Variants in VPS13D observed in about 807,000 individuals in gnomAD.
The protein encoded by VPS13D is vacuolar protein sorting 13 homolog D.
Under a neutral mutation model 461.9 loss-of-function variants are expected in VPS13D, and 187 were observed. That is an observed-to-expected ratio of 0.40 (90% CI 0.36 to 0.46). The LOEUF is 0.46. Among genes scored for constraint, VPS13D ranks in the 20% least tolerant of loss-of-function variants. The pLI is 0.60. For missense variants in VPS13D, 4,711 were observed against 5,364.9 expected (o/e 0.88, Z 3.81); for synonymous variants, 1,951 against 1,986.3 (o/e 0.98, Z 0.47).
intron 32 of VPS13D, 82 bp from the exon 33 acceptor site, chr1:12,321,727 C>G: frequency 1.4e-6 from 2 of 1,450,610 alleles, no homozygotes; most frequent in Non-Finnish European, 1.9e-6. Flanking sequence ...CTGACTGCTT[C>G]TGAGATAGCC....
chr1:12,507,015 G>T lies in VPS13D; in HGVS notation c.12957G>T (p.Val4319=). ...HCLVSKDHGK[V]YVQVTKKAVS... ...TTGTCTCCAAAGACCATGGGAAGGT[G>T]TATGTGCAGGTGACCAAGAAAGCCG... The change falls in exon 69 of 70, where the codon GTG becomes GTT. Residue 4319 remains valine (V), a synonymous_variant. Transcript: ENST00000620676. The surrounding 1 kb of genome is among the most constrained non-coding windows in gnomAD (Gnocchi z 5.3). 1.2e-6 allele frequency: 2 copies of T among 1,614,278 alleles called. No individual in the cohort carries two copies. The highest frequency in any genetic ancestry group is 1.7e-6 in the Non-Finnish European group (2 of 1,180,050).
chr1:12,402,686 G>C (rs1644596309), intron 62 of VPS13D: 1 of 152,202 alleles, frequency 6.6e-6, no homozygotes, highest in Non-Finnish European at 1.5e-5. Context: ...ACAGCCACTT[G>C]GGAGCCTGCC....
intron 15 of VPS13D, 100 bp downstream of exon 15, chr1:12,268,020 G>A: frequency 3.0e-6 from 3 of 1,009,920 alleles, no homozygotes; most frequent in Non-Finnish European, 4.3e-6. Context: ...GGAGTGCAGT[G>A]GTGTGATCTT....
chr1:12,503,458 A>G (rs750700390), intron 68 of VPS13D, among the ~76,000 whole-genome samples: 1 of 152,124 alleles, frequency 6.6e-6, no homozygotes, highest in Admixed American at 6.5e-5. Context: ...TGCTGGGATT[A>G]TAGGTGGGAG....
chr1:12,371,650 C>G (rs543618927), intron 54 of VPS13D, among the ~76,000 whole-genome samples: 2 of 152,268 alleles, frequency 1.3e-5, no homozygotes, highest in South Asian at 4.1e-4. Context: ...ACCTCTGCCT[C>G]CCAAAGTGCT....
intron 52 of VPS13D, among the ~76,000 whole-genome samples, chr1:12,365,650 C>T (rs888431955): frequency 6.6e-6 from 1 of 151,506 alleles, no homozygotes; most frequent in South Asian, 2.1e-4. Flanking sequence ...GTTGCAGTGA[C>T]CCGAGATCGT....
At chr1:12,340,119 T>C (rs887033512) in intron 40 of VPS13D, among the ~76,000 whole-genome samples, 2 of 152,220 alleles carry the variant, frequency 1.3e-5, no homozygotes, top group Non-Finnish European at 2.9e-5. Flanking sequence ...TTAAATTTTT[T>C]ACTCCCCCTC....
chr1:12,255,658 T>C (rs899163711), intron 7 of VPS13D, among the ~76,000 whole-genome samples: 1 of 151,824 alleles, frequency 6.6e-6, no homozygotes, highest in African/African-American at 2.4e-5. Flanking sequence ...CTTGGGAGAC[T>C]GAGGTGGGCG....
chr1:12,244,504 A>G (rs1471665262), intron 4 of VPS13D, 33 bp from the exon 5 acceptor site: 4 of 1,613,930 alleles, frequency 2.5e-6, no homozygotes, highest in Middle Eastern at 1.6e-4. Flanking sequence ...CAAGAACACT[A>G]GATTGAGCTA....
rs144511836 is a variant in VPS13D at position 12,277,590 on chromosome 1, C to T, written c.4002C>T (p.Ala1334=). ...CCACAGTACTAGCTACCAAGACTGC[C>T]GAGTATAGCGAGATGGTATCGCTCT... The part of the protein sequence containing the change: ...KVTTVLATKT[A]EYSEMVSLFE... Residue 1334 remains alanine, a synonymous_variant, in exon 19 of 70, where the codon GCC becomes GCT. Coordinates refer to ENST00000620676, the MANE Select transcript of VPS13D (RefSeq NM_015378.4). The T allele has an allele frequency of 7.9e-5, 128 of 1,613,846 alleles. No homozygotes were observed. Among genetic ancestry groups the T allele is most frequent in the African/African-American group, 7.1e-4 (53 of 75,014 alleles).
intron 17 of VPS13D, among the ~76,000 whole-genome samples, chr1:12,272,363 G>T (rs2101340477): frequency 6.6e-6 from 1 of 151,744 alleles, no homozygotes; most frequent in Admixed American, 6.6e-5. Flanking sequence ...TGTAGTATGG[G>T]ATGGAGAATT....
chr1:12,455,091 T>C (rs577790424), intron 65 of VPS13D, among the ~76,000 whole-genome samples: 1 of 152,314 alleles, frequency 6.6e-6, no homozygotes, highest in African/African-American at 2.4e-5. Context: ...AATCTCTGAA[T>C]TGTGGAAAGG....
intron 65 of VPS13D, among the ~76,000 whole-genome samples, chr1:12,441,855 G>T (rs1645135637): frequency 6.6e-6 from 1 of 152,198 alleles, no homozygotes; most frequent in African/African-American, 2.4e-5. Flanking sequence ...TGATCAGAGA[G>T]TATTTTTTGG....
intron 50 of VPS13D, among the ~76,000 whole-genome samples, 196 bp from the exon 51 acceptor site, chr1:12,362,524 A>G (rs1172657768): frequency 6.6e-6 from 1 of 152,256 alleles, no homozygotes; most frequent in Admixed American, 6.5e-5. Context: ...TTTAAGGCCT[A>G]AATGGGAATA....
chr1:12,509,376 C>T lies in VPS13D; in HGVS notation c.*352C>T, dbSNP rs1366226916. On this transcript the variant is annotated 3_prime_UTR_variant, in exon 70 of 70. Coordinates refer to ENST00000620676, the MANE Select transcript of VPS13D (RefSeq NM_015378.4). ...ATATAGGAACGTTTCTGAACAGGGTCTGTGCTATGTGTAAAGGTTTGTTAA... is the reference window on the plus strand; with the variant it reads ...ATATAGGAACGTTTCTGAACAGGGTTTGTGCTATGTGTAAAGGTTTGTTAA... 2.1e-5 allele frequency: 4 copies of T among 191,188 alleles called. No individual in the cohort carries two copies. The highest frequency in any genetic ancestry group is 1.2e-4 in the Admixed American group (2 of 16,664). 11.8% of individuals were successfully genotyped at this position (191,188 alleles called of 1,614,324 possible).
intron 13 of VPS13D, among the ~76,000 whole-genome samples, chr1:12,265,331 C>T (rs930118613): frequency 1.3e-5 from 2 of 152,134 alleles, no homozygotes; most frequent in African/African-American, 4.8e-5. Context: ...CAGAGATGAG[C>T]TCTCACTTTT....
chr1:12,397,104 C>T (rs969573139), intron 60 of VPS13D, among the ~76,000 whole-genome samples: 10 of 152,068 alleles, frequency 6.6e-5, no homozygotes, highest in African/African-American at 4.8e-5. Flanking sequence ...CAGCAATTTT[C>T]GTAGTTTTTA....
chr1:12,445,003 C>T (rs1265984878), intron 65 of VPS13D, among the ~76,000 whole-genome samples: 4 of 152,158 alleles, frequency 2.6e-5, no homozygotes, highest in Admixed American at 6.5e-5. Context: ...GCAGGAGTTT[C>T]CCAGAGGGAC....
Position 12,250,268 on chromosome 1 carries a change from G to A in VPS13D, c.564+929G>A, listed in dbSNP as rs181210611. Among the ~76,000 whole-genome samples the A allele has an allele frequency of 1.5e-4, 23 of 152,252 alleles. No individual in the cohort carries two copies. In the East Asian group the frequency reaches 3.9e-3, roughly 26 times the overall value. ...AGAGGTCAGTGAGTGGTGCTGAAAG[G>A]CCCAACCCTCTAATTACTTGATCTT... On this transcript the variant is annotated intron_variant, in intron 6 of 69. Transcript: ENST00000620676.
Sources: allele counts gnomAD v4.1 joint callset (sites outside exome capture counted in the v4.1 genomes callset), GRCh38; gene constraint gnomAD v4.1.1; non-coding constraint Gnocchi (gnomAD v3.1); transcripts MANE v1.5; gene names NCBI Gene and HGNC (gene_info 2026-07-23, HGNC 2026-07-21).